Variants in C1orf21 observed in about 807,000 individuals in gnomAD.
C1orf21 encodes the protein uncharacterized protein C1orf21.
A neutral mutation model predicts 18.7 loss-of-function variants in C1orf21; 3 were observed. The observed-to-expected ratio is 0.16, with a 90% confidence interval of 0.07 to 0.42. The LOEUF is 0.42. Among genes scored for constraint, C1orf21 ranks in the 10% least tolerant of loss-of-function variants. The probability of loss-of-function intolerance (pLI) is 0.99; values close to 1 mark genes in which losing one functional copy is unlikely to be tolerated. For synonymous variants in C1orf21, 41 were observed against 46.4 expected (o/e 0.88, Z 0.47); for missense variants, 104 against 143.6 (o/e 0.72, Z 1.41).
At chr1:184,553,088 C>T (rs1482835670) in intron 3 of C1orf21, among the ~76,000 whole-genome samples, 1 of 151,990 alleles carries the variant, frequency 6.6e-6, no homozygotes, top group Admixed American at 6.6e-5. Flanking sequence ...TCTACAGGGC[C>T]CTCAAGTCTA....
intron 4 of C1orf21, among the ~76,000 whole-genome samples, chr1:184,596,731 C>T (rs550572089): frequency 6.6e-6 from 1 of 152,070 alleles, no homozygotes; most frequent in Non-Finnish European, 1.5e-5. Context: ...ATTAGCTGTA[C>T]GTGGTGGCTC....
At chr1:184,607,671 G>GTA (rs547163786) in intron 5 of C1orf21, among the ~76,000 whole-genome samples, 29 of 150,152 alleles carry the variant, frequency 1.9e-4, no homozygotes, top group Middle Eastern at 3.6e-3. Flanking sequence ...ATATATGTGT[G>GTA]TATATATATA....
intron 1 of C1orf21, among the ~76,000 whole-genome samples, chr1:184,389,800 C>T (rs1655943201): frequency 6.6e-6 from 1 of 152,066 alleles, no homozygotes; most frequent in South Asian, 2.1e-4. Context: ...CTAAAGGAGA[C>T]ACCAAAGGCT....
Position 184,620,908 on chromosome 1 carries a change from C to T in C1orf21, c.*1352C>T, listed in dbSNP as rs925780570. On this transcript the variant is annotated 3_prime_UTR_variant, in exon 6 of 6. Coordinates refer to ENST00000235307, the MANE Select transcript of C1orf21 (RefSeq NM_030806.4). ...TTTTTAATGTGTTTGATAGCTTTGA[C>T]GAGGGTTCTCTTTGTTACTTTCAGG... 4 of 152,372 alleles carry T rather than the reference C, an allele frequency of 2.6e-5. No individual in the cohort carries two copies. The highest frequency in any genetic ancestry group is 1.9e-4 in the East Asian group (1 of 5,190). 9.4% of individuals were successfully genotyped at this position (152,372 alleles called of 1,614,324 possible).
At chr1:184,582,509 G>A (rs1277037657) in intron 3 of C1orf21, among the ~76,000 whole-genome samples, 7 of 152,218 alleles carry the variant, frequency 4.6e-5, no homozygotes, top group South Asian at 4.1e-4. Flanking sequence ...CCCAAGAGCC[G>A]ATACTCTAAT....
intron 1 of C1orf21, among the ~76,000 whole-genome samples, chr1:184,460,892 G>A (rs1245433976): frequency 2.0e-5 from 3 of 151,772 alleles, no homozygotes; most frequent in Non-Finnish European, 4.4e-5. Context: ...TGTACCTGTG[G>A]TACAGCAAAT....
In C1orf21 at chr1:184,387,606, C is replaced by T. The variant is rs1655907633; in HGVS notation, c.-125+238C>T. The stretch of plus-strand genomic sequence containing the variant: ...GACGGAAGCTGGGGTGGGGGAGCCG[C>T]GAGGGGCGTCTGCCGGCCTGGGCGG... On this transcript the variant is annotated intron_variant, in intron 1 of 5. Transcript: ENST00000235307. This position sits in a 1 kb window ranked among gnomAD's most constrained non-coding sequence, Gnocchi z 5.6. Among the ~76,000 whole-genome samples the T allele has an allele frequency of 1.3e-5, 2 of 151,630 alleles. No individual in the cohort carries two copies. Among genetic ancestry groups the T allele is most frequent in the Admixed American group, 1.3e-4 (2 of 15,248 alleles).
chr1:184,537,148 A>C (rs1294762035), intron 3 of C1orf21, among the ~76,000 whole-genome samples: 2 of 152,180 alleles, frequency 1.3e-5, no homozygotes, highest in Non-Finnish European at 2.9e-5. Context: ...TTCACATAAC[A>C]ATATTAACCA....
chr1:184,619,784 G>C lies in C1orf21; in HGVS notation c.*228G>C, dbSNP rs1235330612. ...TATCGAACTTTCTTTGTTGCTGCTAGTTAAAACTTGTTGCAACTTTTCACT... is the reference window on the plus strand; with the variant it reads ...TATCGAACTTTCTTTGTTGCTGCTACTTAAAACTTGTTGCAACTTTTCACT... On this transcript the variant is annotated 3_prime_UTR_variant, in exon 6 of 6. Transcript: ENST00000235307. 1 of 426,034 alleles carries C rather than the reference G, an allele frequency of 2.3e-6. No individual in the cohort carries two copies. Among genetic ancestry groups the C allele is most frequent in the East Asian group, 4.2e-5 (1 of 23,938 alleles). The allele number at this position is 426,034 out of a possible 1,614,324, so 26.4% of individuals were successfully genotyped here. A position where few individuals can be genotyped will look rare whatever the true frequency, so the allele number is the denominator to read the frequency against.
chr1:184,495,812 G>A (rs185808360), intron 2 of C1orf21, among the ~76,000 whole-genome samples: 63 of 151,586 alleles, frequency 4.2e-4, no homozygotes, highest in South Asian at 2.5e-3. Context: ...TCAGCTACTC[G>A]GGAGACTGAG....
chr1:184,479,881 C>G (rs1657629021), intron 2 of C1orf21, among the ~76,000 whole-genome samples: 1 of 152,092 alleles, frequency 6.6e-6, no homozygotes, highest in Non-Finnish European at 1.5e-5. Context: ...CCGTGGCCTC[C>G]CAAAGGGCGG....
chr1:184,410,633 A>AATATATATATATAT (rs1557964961), intron 1 of C1orf21, among the ~76,000 whole-genome samples: 2 of 3,214 alleles, frequency 6.2e-4, no homozygotes, highest in African/African-American at 0.013. Context: ...ATATATATAT[A>AATATATATATATAT]TATATATATA....
At chr1:184,555,830 C>G (rs1658870760) in intron 3 of C1orf21, among the ~76,000 whole-genome samples, 1 of 152,148 alleles carries the variant, frequency 6.6e-6, no homozygotes, top group Non-Finnish European at 1.5e-5. Context: ...AAATAATTTC[C>G]CTGGCACAAT....
At chr1:184,548,524 C>T (rs973500344) in intron 3 of C1orf21, among the ~76,000 whole-genome samples, 1 of 151,000 alleles carries the variant, frequency 6.6e-6, no homozygotes, top group African/African-American at 2.4e-5. Context: ...ACGCCATTCT[C>T]CCCATTGCAG....
chr1:184,392,630 C>T (rs958413294), intron 1 of C1orf21, among the ~76,000 whole-genome samples: 2 of 152,066 alleles, frequency 1.3e-5, no homozygotes, highest in African/African-American at 4.8e-5. Context: ...AAAGTTGAGA[C>T]CTGTTAGTGC....
At chr1:184,396,751 C>T (rs1656056295) in intron 1 of C1orf21, among the ~76,000 whole-genome samples, 1 of 152,176 alleles carries the variant, frequency 6.6e-6, no homozygotes, top group African/African-American at 2.4e-5. Flanking sequence ...CGTACCTCCT[C>T]TCCTTGTCTG....
chr1:184,414,604 A>G (rs77802997), intron 1 of C1orf21, among the ~76,000 whole-genome samples: 1 of 145,152 alleles, frequency 6.9e-6, no homozygotes, highest in African/African-American at 2.5e-5. Flanking sequence ...TTCTGGTAGG[A>G]AAAAAAAAAA....
chr1:184,572,347 G>A (rs752695478), intron 3 of C1orf21, among the ~76,000 whole-genome samples: 43 of 152,174 alleles, frequency 2.8e-4, no homozygotes, highest in Non-Finnish European at 5.4e-4. Context: ...TAGGAAGAGG[G>A]AGCGAGGGAG....
intron 1 of C1orf21, among the ~76,000 whole-genome samples, chr1:184,459,624 T>G (rs568874670): frequency 3.3e-5 from 5 of 152,306 alleles, no homozygotes; most frequent in African/African-American, 1.2e-4. Flanking sequence ...ACTTTGGCAT[T>G]GAACACCTTC....
Sources: gnomAD v4.1 joint callset for allele counts (sites outside exome capture counted in the v4.1 genomes callset) on GRCh38, gnomAD v4.1.1 for gene constraint, Gnocchi (gnomAD v3.1) non-coding constraint, MANE v1.5 for transcripts, NCBI Gene and HGNC (gene_info 2026-07-23, HGNC 2026-07-21) for gene names.